The following SPON1 variants were observed in gnomAD, a reference collection of about 807,000 sequenced individuals.
The protein encoded by SPON1 is spondin 1, also known as spondin-1.
In SPON1, 52 loss-of-function variants were observed where a neutral mutation model predicts 111.7. The ratio of observed to expected loss-of-function variants is 0.47; its 90% CI spans 0.37 to 0.59. The LOEUF (loss-of-function observed/expected upper bound fraction) is 0.59, where lower values mean the gene tolerates loss of function less well. SPON1 is among the 20% of genes least tolerant of loss of function. The pLI is 0.00. For synonymous variants in SPON1, 410 were observed against 395.8 expected, an observed-to-expected ratio of 1.04 and a Z score of -0.43; for missense variants, 957 against 1,068.5, an observed-to-expected ratio of 0.90 and a Z score of 1.46.
At chr11:14,052,989 C>T (rs1169775680) in intron 3 of SPON1, among the ~76,000 whole-genome samples, 3 of 152,216 alleles carry the variant, frequency 2.0e-5, no homozygotes, top group Admixed American at 6.5e-5. Context: ...ACACATGGCC[C>T]GCCCTATTTG....
intron 6 of SPON1, among the ~76,000 whole-genome samples, chr11:14,236,628 G>A (rs1398475865): frequency 1.3e-5 from 2 of 152,234 alleles, no homozygotes; most frequent in South Asian, 4.1e-4. Context: ...GGATAAAAGA[G>A]AAGACCAAAG....
rs1848154535 is a variant in SPON1 at position 13,982,828 on chromosome 11, C to T, written c.239-19C>T. ...AATTGATTCTTATACTTAAAACCTG[C>T]TTTTTTCTCTCTCTGCAGTAACACT... On this transcript the variant is annotated intron_variant, in intron 1 of 15. Coordinates refer to ENST00000576479, the MANE Select transcript of SPON1 (RefSeq NM_006108.4). 3.3e-6 allele frequency: 5 copies of T among 1,508,626 alleles called. No homozygotes were observed. The highest frequency in any genetic ancestry group is 4.5e-6 in the Non-Finnish European group (5 of 1,107,576). 93.5% of individuals were successfully genotyped at this position (1,508,626 alleles called of 1,614,324 possible). A position where few individuals can be genotyped will look rare whatever the true frequency, so the allele number is the denominator to read the frequency against.
intron 3 of SPON1, among the ~76,000 whole-genome samples, chr11:14,044,562 A>C (rs190010297): frequency 4.6e-5 from 7 of 152,332 alleles, no homozygotes; most frequent in Non-Finnish European, 1.0e-4. Context: ...CAGTGAGCCG[A>C]GACTGTGCCA....
At chr11:14,061,765 G>C (rs1848792716) in intron 3 of SPON1, among the ~76,000 whole-genome samples, 1 of 152,174 alleles carries the variant, frequency 6.6e-6, no homozygotes, top group Non-Finnish European at 1.5e-5. Flanking sequence ...TCCAAAAGCT[G>C]GTTCTCTTCT....
At chr11:14,161,715 A>G (rs190302914) in intron 6 of SPON1, among the ~76,000 whole-genome samples, 1 of 152,256 alleles carries the variant, frequency 6.6e-6, no homozygotes, top group East Asian at 1.9e-4. Context: ...ATTGAATACT[A>G]TATTGAAAGT....
At chr11:14,131,918 A>G (rs1847533868) in intron 5 of SPON1, among the ~76,000 whole-genome samples, 1 of 152,346 alleles carries the variant, frequency 6.6e-6, no homozygotes, top group South Asian at 2.1e-4. Flanking sequence ...ACATAGTCTT[A>G]TTCCTTCCCC....
chr11:14,004,341 C>T (rs1554912843), intron 2 of SPON1, among the ~76,000 whole-genome samples: 1 of 152,184 alleles, frequency 6.6e-6, no homozygotes, highest in East Asian at 1.9e-4. Flanking sequence ...TTTATCTCCT[C>T]TAGGTAAATA....
chr11:13,972,343 C>T (rs1177489803), intron 1 of SPON1, among the ~76,000 whole-genome samples: 3 of 152,190 alleles, frequency 2.0e-5, no homozygotes, highest in African/African-American at 7.2e-5. Context: ...TTAACCTAGA[C>T]TGGTGAAAAT....
intron 15 of SPON1, among the ~76,000 whole-genome samples, chr11:14,263,826 T>A (rs939557976): frequency 1.3e-5 from 2 of 151,904 alleles, no homozygotes; most frequent in Admixed American, 1.3e-4. Context: ...GTCAGGAGTT[T>A]GAGACCAGCC....
At chr11:14,156,423 A>T in intron 6 of SPON1, among the ~76,000 whole-genome samples, 2 of 139,690 alleles carry the variant, frequency 1.4e-5, no homozygotes, top group Admixed American at 7.3e-5. Context: ...GGTTGCAAAA[A>T]TTTTCTCCCA....
chr11:14,023,391 AACTG>A (rs35643327), intron 2 of SPON1, among the ~76,000 whole-genome samples: 35,475 of 151,894 alleles, frequency 0.23, 4,916 homozygotes, highest in South Asian at 0.32. Flanking sequence ...GTGAAGGTAA[AACTG>A]ACAGGCAGTC....
chr11:14,157,521 T>G (rs1349300608), intron 6 of SPON1, among the ~76,000 whole-genome samples: 2 of 152,192 alleles, frequency 1.3e-5, no homozygotes, highest in African/African-American at 2.4e-5. Context: ...ACTTTATTTA[T>G]ATTTATTGTT....
At chr11:14,063,497 G>C (rs1379945926) in intron 3 of SPON1, among the ~76,000 whole-genome samples, 1 of 151,996 alleles carries the variant, frequency 6.6e-6, no homozygotes, top group Non-Finnish European at 1.5e-5. Context: ...AGAAAGATTA[G>C]GAAACAGGAC....
At chr11:13,994,555 C>T (rs1848256052) in intron 2 of SPON1, among the ~76,000 whole-genome samples, 1 of 152,116 alleles carries the variant, frequency 6.6e-6, no homozygotes, top group Non-Finnish European at 1.5e-5. Context: ...GACTGGGAAT[C>T]ACAAGATTTG....
At chr11:14,225,395 C>T (rs1276530571) in intron 6 of SPON1, among the ~76,000 whole-genome samples, 1 of 151,886 alleles carries the variant, frequency 6.6e-6, no homozygotes, top group Non-Finnish European at 1.5e-5. Flanking sequence ...TACATAGTTT[C>T]GATCCAAACA....
intron 3 of SPON1, among the ~76,000 whole-genome samples, chr11:14,043,875 A>G (rs1217850006): frequency 6.6e-6 from 1 of 152,234 alleles, no homozygotes; most frequent in Non-Finnish European, 1.5e-5. Flanking sequence ...CAACAAATGC[A>G]ACTGAGCTTC....
At chr11:14,097,711 G>A (rs1402390627) in intron 5 of SPON1, among the ~76,000 whole-genome samples, 1 of 152,142 alleles carries the variant, frequency 6.6e-6, no homozygotes, top group Non-Finnish European at 1.5e-5. Context: ...CCATGGTTAA[G>A]GCCATTGAGC....
chr11:14,178,037 CACACACAA>C (rs1328469543), intron 6 of SPON1, among the ~76,000 whole-genome samples: 2 of 145,652 alleles, frequency 1.4e-5, no homozygotes, highest in African/African-American at 5.5e-5. Context: ...TTGTAAAACA[CACACACAA>C]ACACACACAC....
At chr11:14,006,219 A>T (rs1554913105) in intron 2 of SPON1, among the ~76,000 whole-genome samples, 1 of 152,186 alleles carries the variant, frequency 6.6e-6, no homozygotes, top group Non-Finnish European at 1.5e-5. Flanking sequence ...ATGAATTGTC[A>T]TCTAAATGCC....
Sources: gnomAD v4.1 joint callset for allele counts (sites outside exome capture counted in the v4.1 genomes callset) on GRCh38, gnomAD v4.1.1 for gene constraint, MANE v1.5 for transcripts, NCBI Gene and HGNC (gene_info 2026-07-23, HGNC 2026-07-21) for gene names.